Variants in MAP2 observed in about 807,000 individuals in gnomAD.
MAP2 encodes the protein microtubule-associated protein 2.
Under a neutral mutation model 137.6 loss-of-function variants are expected in MAP2, and 14 were observed. The observed-to-expected ratio is 0.10, with a 90% confidence interval of 0.07 to 0.16. The LOEUF (loss-of-function observed/expected upper bound fraction) is 0.16. MAP2 is among the 10% of genes least tolerant of loss of function. The pLI, the probability that MAP2 is intolerant of heterozygous loss-of-function variation, is 1.00. For missense variants in MAP2, 2,088 were observed against 2,191.5 expected, an observed-to-expected ratio of 0.95 and a Z score of 0.94; for synonymous variants, 786 against 782.3, an observed-to-expected ratio of 1.00 and a Z score of -0.08.
At position 209,582,804 on chromosome 2, in the gene MAP2, A is replaced by G. The variant is rs139391924; in HGVS notation, c.-107+2704A>G. The stretch of plus-strand genomic sequence containing the variant: ...TGCTGTCATTTATTTTCATTATTAA[A>G]AGTATAATTTTTTGTTATTAACAAT... On this transcript the variant is annotated intron_variant, in intron 3 of 15. Transcript: ENST00000682079. Among the ~76,000 whole-genome samples, 6 of 152,262 alleles carry G rather than the reference A, an allele frequency of 3.9e-5. No homozygotes were observed. In the East Asian group the frequency reaches 1.2e-3, roughly 29 times the overall value.
intron 3 of MAP2, among the ~76,000 whole-genome samples, chr2:209,606,525 A>C (rs1030563836): frequency 2.0e-5 from 3 of 151,276 alleles, no homozygotes. Context: ...ACCTTGTCTC[A>C]AAAAAAGGAG....
chr2:209,655,985 A>G (rs953200188), intron 5 of MAP2, among the ~76,000 whole-genome samples: 40 of 152,324 alleles, frequency 2.6e-4, no homozygotes, highest in African/African-American at 9.1e-4. Flanking sequence ...ATTTATATAA[A>G]TAAGATCACA....
At chr2:209,588,619 A>G (rs1219570501) in intron 3 of MAP2, among the ~76,000 whole-genome samples, 3 of 152,080 alleles carry the variant, frequency 2.0e-5, no homozygotes, top group African/African-American at 4.8e-5. Context: ...CTTTAAAACT[A>G]TTTTCTTGCT....
chr2:209,510,701 A>T (rs1431525518), intron 2 of MAP2, among the ~76,000 whole-genome samples: 2 of 152,074 alleles, frequency 1.3e-5, no homozygotes, highest in Non-Finnish European at 2.9e-5. Context: ...TTGTAAAGGA[A>T]TACTCATGGA....
chr2:209,574,545 G>A (rs149064879), intron 2 of MAP2, among the ~76,000 whole-genome samples: 318 of 152,040 alleles, frequency 2.1e-3, no homozygotes, highest in African/African-American at 7.3e-3. Context: ...TGTGAATAAT[G>A]CTGCAATAAA....
intron 2 of MAP2, among the ~76,000 whole-genome samples, chr2:209,533,368 T>C (rs1577335701): frequency 6.6e-6 from 1 of 152,094 alleles, no homozygotes; most frequent in African/African-American, 2.4e-5. Flanking sequence ...TGGTCTCGAA[T>C]TCCTGACCTC....
intron 2 of MAP2, among the ~76,000 whole-genome samples, chr2:209,520,872 T>C (rs2063175646): frequency 6.6e-6 from 1 of 152,108 alleles, no homozygotes; most frequent in Admixed American, 6.6e-5. Flanking sequence ...CTCTCCCATC[T>C]CATGCAGTAA....
At chr2:209,562,086 T>C (rs543684194) in intron 2 of MAP2, among the ~76,000 whole-genome samples, 2 of 152,146 alleles carry the variant, frequency 1.3e-5, no homozygotes, top group Non-Finnish European at 2.9e-5. Context: ...ATGAAAGATA[T>C]ATTGATGTTC....
At chr2:209,548,117 A>G (rs2068446896) in intron 2 of MAP2, among the ~76,000 whole-genome samples, 1 of 152,334 alleles carries the variant, frequency 6.6e-6, no homozygotes, top group East Asian at 1.9e-4. Flanking sequence ...TCATCTAGGC[A>G]TGTAAATTAT....
intron 1 of MAP2, among the ~76,000 whole-genome samples, chr2:209,469,518 A>G (rs1249306741): frequency 6.6e-6 from 1 of 152,120 alleles, no homozygotes; most frequent in African/African-American, 2.4e-5. Context: ...TTGGTTAATG[A>G]TTAATGGGCT....
At chr2:209,629,013 T>C (rs2092706902) in intron 4 of MAP2, among the ~76,000 whole-genome samples, 3 of 152,244 alleles carry the variant, frequency 2.0e-5, no homozygotes, top group Admixed American at 2.0e-4. Context: ...TAAAGCACTT[T>C]CATGTTTTTG....
At chr2:209,565,075 C>T (rs879859022) in intron 2 of MAP2, among the ~76,000 whole-genome samples, 4 of 152,190 alleles carry the variant, frequency 2.6e-5, no homozygotes, top group Non-Finnish European at 4.4e-5. Flanking sequence ...TTGGCTGCTT[C>T]ACTTTCATTA....
At chr2:209,626,700 A>T (rs541308093) in intron 4 of MAP2, among the ~76,000 whole-genome samples, 166 of 152,300 alleles carry the variant, frequency 1.1e-3, no homozygotes, top group Non-Finnish European at 2.0e-3. Flanking sequence ...CACACTGTAG[A>T]TATTCTTTTG....
Position 209,529,992 on chromosome 2 carries a change from C to A in MAP2, c.-172+22351C>A, listed in dbSNP as rs1273631198. On this transcript the variant is annotated intron_variant, in intron 2 of 15. Coordinates refer to ENST00000682079, the MANE Select transcript of MAP2 (RefSeq NM_001375505.1). ...TTCCTTAGGTATATTTAATTTTGAC[C>A]ACATGGGGAAGAATTACAAAAAATT... Among the ~76,000 whole-genome samples, 3 of 138,734 alleles carry A rather than the reference C, an allele frequency of 2.2e-5. No individual in the cohort carries two copies. The Admixed American group carries it at 2.5e-4, about 12-fold the overall frequency. The allele number at this position is 138,734 out of a possible 152,430, so 91.0% of individuals were successfully genotyped here.
At chr2:209,436,224 A>G (rs896411280) in intron 1 of MAP2, among the ~76,000 whole-genome samples, 1 of 151,226 alleles carries the variant, frequency 6.6e-6, no homozygotes, top group Non-Finnish European at 1.5e-5. Flanking sequence ...TTACAAACAC[A>G]TTCTTGTTAG....
chr2:209,637,187 A>G (rs1165716897), intron 4 of MAP2, among the ~76,000 whole-genome samples: 1 of 152,116 alleles, frequency 6.6e-6, no homozygotes, highest in African/African-American at 2.4e-5. Flanking sequence ...TCTTACCTGT[A>G]ATCCCATCAC....
chr2:209,491,231 A>G (rs1455547181), intron 1 of MAP2, among the ~76,000 whole-genome samples: 1 of 152,178 alleles, frequency 6.6e-6, no homozygotes. Context: ...AGAAATCAAT[A>G]AGTTCTTTGA....
chr2:209,624,363 C>T (rs1282017699), intron 3 of MAP2, among the ~76,000 whole-genome samples: 1 of 152,154 alleles, frequency 6.6e-6, no homozygotes, highest in Non-Finnish European at 1.5e-5. Context: ...ATTGTGCGTC[C>T]TTTGTAGTCC....
intron 1 of MAP2, among the ~76,000 whole-genome samples, chr2:209,485,730 A>G (rs1213874143): frequency 6.6e-6 from 1 of 152,230 alleles, no homozygotes; most frequent in African/African-American, 2.4e-5. Flanking sequence ...CACTGCTACT[A>G]TAATCCCACA....
Sources: gnomAD v4.1 joint callset for allele counts (sites outside exome capture counted in the v4.1 genomes callset) on GRCh38, gnomAD v4.1.1 for gene constraint, MANE v1.5 for transcripts, NCBI Gene and HGNC (gene_info 2026-07-23, HGNC 2026-07-21) for gene names.